Variants in PRDM10 observed in about 807,000 individuals in gnomAD.
PRDM10 encodes the protein PR/SET domain 10, also known as PR domain zinc finger protein 10.
Under a neutral mutation model 133.1 loss-of-function variants are expected in PRDM10, and 65 were observed. The ratio of observed to expected loss-of-function variants is 0.49; its 90% CI spans 0.40 to 0.60. The LOEUF is 0.60. Among genes scored for constraint, PRDM10 ranks in the 20% least tolerant of loss-of-function variants. The pLI is 0.00. For synonymous variants in PRDM10, 582 were observed against 580.4 expected (o/e 1.00, Z -0.04); for missense variants, 1,137 against 1,507.1 (o/e 0.75, Z 4.07).
intron 19 of PRDM10, among the ~76,000 whole-genome samples, chr11:129,909,398 C>G (rs951022626): frequency 6.6e-6 from 1 of 151,342 alleles, no homozygotes; most frequent in Non-Finnish European, 1.5e-5. Flanking sequence ...TGCAGTGAGC[C>G]GCGATTGTGC....
chr11:129,920,444 T>G (rs1950490603), intron 13 of PRDM10, among the ~76,000 whole-genome samples: 1 of 152,190 alleles, frequency 6.6e-6, no homozygotes, highest in Non-Finnish European at 1.5e-5. Flanking sequence ...TGCAAGTTCT[T>G]GTCAGCCTCC....
At chr11:129,931,576 A>ATTTTT (rs66505343) in intron 10 of PRDM10, among the ~76,000 whole-genome samples, 1 of 143,204 alleles carries the variant, frequency 7.0e-6, no homozygotes. Flanking sequence ...ATTTTATTTT[A>ATTTTT]TTTTTTTTTT....
intron 20 of PRDM10, among the ~76,000 whole-genome samples, chr11:129,905,163 A>C (rs964626511): frequency 1.2e-4 from 18 of 152,106 alleles, no homozygotes; most frequent in African/African-American, 2.9e-4. Context: ...GGAGATCAAG[A>C]TCATACTGGC....
intron 1 of PRDM10, among the ~76,000 whole-genome samples, chr11:129,993,551 C>A (rs1938867910): frequency 6.6e-6 from 1 of 152,042 alleles, no homozygotes; most frequent in Non-Finnish European, 1.5e-5. Flanking sequence ...GTGGTGCGAT[C>A]TCGGATCACT....
intron 1 of PRDM10, among the ~76,000 whole-genome samples, chr11:129,996,202 GTT>G (rs1332798672): frequency 6.6e-6 from 1 of 152,164 alleles, no homozygotes; most frequent in African/African-American, 2.4e-5. Context: ...GAATGTTACT[GTT>G]ATAAAGCAGT....
At position 129,935,238 on chromosome 11, in the gene PRDM10, A is replaced by G. The variant is rs371641212; in HGVS notation, c.1040-20T>C. Reference sequence around the variant, plus strand: ...GAAGAACTACAGTCACAGGAGAGAAATCATAAAGGCTGATGACCAATAGAC... The same window carrying G: ...GAAGAACTACAGTCACAGGAGAGAAGTCATAAAGGCTGATGACCAATAGAC... On this transcript the variant is annotated intron_variant, in intron 8 of 20. Coordinates refer to ENST00000360871, the MANE Select transcript of PRDM10 (RefSeq NM_199437.2). 1.9e-6 allele frequency: 3 copies of G among 1,588,080 alleles called. No homozygotes were observed. The highest frequency in any genetic ancestry group is 1.7e-4 in the Middle Eastern group (1 of 6,028).
In PRDM10 at chr11:129,975,770, C is replaced by T. The variant is rs148783841; in HGVS notation, c.-118-14688G>A. Among the ~76,000 whole-genome samples, 1,118 of 152,296 alleles carry T rather than the reference C, an allele frequency of 7.3e-3. 15 individuals are homozygous for T. The highest frequency in any genetic ancestry group is 0.026 in the African/African-American group (1,061 of 41,562). On this transcript the variant is annotated intron_variant, in intron 1 of 20. Coordinates refer to ENST00000360871, the MANE Select transcript of PRDM10 (RefSeq NM_199437.2). ...GAGCTGGTCTCCAACCCACCGCCCT[C>T]GAAGTGCTGGGAGCCAGTCACTGCT...
intron 2 of PRDM10, among the ~76,000 whole-genome samples, chr11:129,958,505 A>G (rs1453585031): frequency 6.6e-6 from 1 of 151,998 alleles, no homozygotes; most frequent in Non-Finnish European, 1.5e-5. Flanking sequence ...TTAGCTGGGC[A>G]TGGTGGGGGG....
intron 5 of PRDM10, among the ~76,000 whole-genome samples, chr11:129,946,910 G>T (rs556347118): frequency 6.6e-6 from 1 of 152,068 alleles, no homozygotes; most frequent in Non-Finnish European, 1.5e-5. Flanking sequence ...GACCCCCAGC[G>T]AGCTTCCCAA....
intron 1 of PRDM10, among the ~76,000 whole-genome samples, chr11:129,967,752 T>A (rs575782308): frequency 7.2e-5 from 11 of 152,026 alleles, no homozygotes; most frequent in African/African-American, 2.4e-4. Context: ...TGATGAAGAG[T>A]GAGGGGAATT....
intron 1 of PRDM10, among the ~76,000 whole-genome samples, chr11:129,976,773 TAG>T (rs1353518253): frequency 2.0e-5 from 3 of 152,200 alleles, no homozygotes; most frequent in Non-Finnish European, 4.4e-5. Flanking sequence ...ATAATGGACT[TAG>T]TTCTAAATGG....
intron 2 of PRDM10, among the ~76,000 whole-genome samples, chr11:129,960,463 A>G (rs552248838): frequency 6.6e-6 from 1 of 152,344 alleles, no homozygotes; most frequent in South Asian, 2.1e-4. Context: ...TCATAATGGA[A>G]CAACTTTGAC....
At chr11:129,970,545 C>CTTT (rs35299145) in intron 1 of PRDM10, among the ~76,000 whole-genome samples, 3 of 143,668 alleles carry the variant, frequency 2.1e-5, no homozygotes, top group African/African-American at 7.7e-5. Context: ...CATACCCAAC[C>CTTT]TTTTTTTTTT....
chr11:129,998,161 A>G (rs191217648), intron 1 of PRDM10, among the ~76,000 whole-genome samples: 3 of 152,360 alleles, frequency 2.0e-5, no homozygotes, highest in Non-Finnish European at 4.4e-5. Context: ...TCAATATTTT[A>G]TAAATTGAAA....
intron 1 of PRDM10, among the ~76,000 whole-genome samples, chr11:129,964,324 G>A (rs1951861815): frequency 6.6e-6 from 1 of 151,998 alleles, no homozygotes; most frequent in Non-Finnish European, 1.5e-5. Context: ...AATTTTATTT[G>A]TATCTCTTTT....
At chr11:129,911,719 T>C (rs1332525461) in intron 18 of PRDM10, among the ~76,000 whole-genome samples, 3 of 152,172 alleles carry the variant, frequency 2.0e-5, no homozygotes, top group African/African-American at 7.2e-5. Context: ...AACTTATCTA[T>C]GTATCTCAAT....
intron 9 of PRDM10, 26 bp downstream of exon 9, chr11:129,935,075 T>C (rs1950985170): frequency 6.4e-7 from 1 of 1,555,696 alleles, no homozygotes; most frequent in Non-Finnish European, 8.9e-7. Flanking sequence ...GAACTCAGTC[T>C]GTGAGCATTT....
chr11:129,965,403 T>C (rs1455566585), intron 1 of PRDM10, among the ~76,000 whole-genome samples: 1 of 152,206 alleles, frequency 6.6e-6, no homozygotes, highest in Non-Finnish European at 1.5e-5. Context: ...CAGGAGACAG[T>C]AGAAGAATCC....
chr11:129,931,986 G>T (rs151332678), intron 10 of PRDM10, 116 bp downstream of exon 10: 5 of 1,281,820 alleles, frequency 3.9e-6, no homozygotes, highest in Admixed American at 2.5e-5. Flanking sequence ...AGGCAGCAAG[G>T]TCTGATAGGA....
Sources: allele counts gnomAD v4.1 joint callset (sites outside exome capture counted in the v4.1 genomes callset), GRCh38; gene constraint gnomAD v4.1.1; transcripts MANE v1.5; gene names NCBI Gene and HGNC (gene_info 2026-07-23, HGNC 2026-07-21).